The following COG7 variants were observed in gnomAD, a reference collection of about 807,000 sequenced individuals.
COG7 encodes component of oligomeric golgi complex 7.
In COG7, 49 loss-of-function variants were observed where a neutral mutation model predicts 91.5. The observed-to-expected ratio is 0.54, with a 90% CI of 0.43 to 0.68. The LOEUF (loss-of-function observed/expected upper bound fraction) is 0.68. Ranked by LOEUF, COG7 falls within the 30% of genes least tolerant of loss-of-function variation. The probability of loss-of-function intolerance (pLI) is 0.00; values close to 1 mark genes in which losing one functional copy is unlikely to be tolerated. For synonymous variants in COG7, 365 were observed against 388.7 expected, an observed-to-expected ratio of 0.94 and a Z score of 0.72; for missense variants, 895 against 961.3, an observed-to-expected ratio of 0.93 and a Z score of 0.91.
At chr16:23,449,610 G>A (rs1304093292) in intron 1 of COG7, among the ~76,000 whole-genome samples, 4 of 150,778 alleles carry the variant, frequency 2.7e-5, no homozygotes, top group Admixed American at 6.6e-5. Flanking sequence ...GCATGGTGGC[G>A]CATGCCTATA....
intron 7 of COG7, among the ~76,000 whole-genome samples, chr16:23,423,211 A>G (rs991022166): frequency 6.6e-6 from 1 of 151,782 alleles, no homozygotes; most frequent in African/African-American, 2.4e-5. Flanking sequence ...ACTAAAAAAT[A>G]CAAAAATTAG....
chr16:23,441,438 G>A (rs570134996), intron 4 of COG7, among the ~76,000 whole-genome samples: 10 of 152,254 alleles, frequency 6.6e-5, no homozygotes, highest in Admixed American at 4.6e-4. Flanking sequence ...AGCCAGGTGT[G>A]GTGGCGCACG....
intron 6 of COG7, among the ~76,000 whole-genome samples, chr16:23,429,844 C>T (rs1443939579): frequency 6.6e-6 from 1 of 152,140 alleles, no homozygotes; most frequent in Non-Finnish European, 1.5e-5. Context: ...ACTAGTGATA[C>T]AAACAACACG....
chr16:23,429,166 T>C (rs1963895012), intron 6 of COG7, among the ~76,000 whole-genome samples: 1 of 152,096 alleles, frequency 6.6e-6, no homozygotes, highest in African/African-American at 2.4e-5. Context: ...ATTTTTGTAT[T>C]TTCTGTAGAG....
In COG7 at chr16:23,388,806, A is replaced by G; in HGVS notation, c.*114T>C. On this transcript the variant is annotated 3_prime_UTR_variant, in exon 17 of 17. Transcript: ENST00000307149. Reference sequence around the variant, plus strand: ...TGAGCCACCGTGACCAGCTGAACCAAGTCTTTTTAAAGTAACTTCTGCCCA... The same window carrying G: ...TGAGCCACCGTGACCAGCTGAACCAGGTCTTTTTAAAGTAACTTCTGCCCA... The G allele has an allele frequency of 6.4e-7, 1 of 1,566,492 alleles. No individual in the cohort carries two copies. Among genetic ancestry groups the G allele is most frequent in the Non-Finnish European group, 8.6e-7 (1 of 1,158,130 alleles).
In COG7 at chr16:23,399,047, G is replaced by A. The variant is rs77245215; in HGVS notation, c.1804-918C>T. On this transcript the variant is annotated intron_variant, in intron 13 of 16. Coordinates refer to ENST00000307149, the MANE Select transcript of COG7 (RefSeq NM_153603.4). ...ACAAGGCCCTTTCTGGCTGAACTCCGGGAGTGACTCCGGCGGTCATGTAGG... is the reference window on the plus strand; with the variant it reads ...ACAAGGCCCTTTCTGGCTGAACTCCAGGAGTGACTCCGGCGGTCATGTAGG... Among the ~76,000 whole-genome samples, 372 of 152,248 alleles carry A rather than the reference G, an allele frequency of 2.4e-3. 13 individuals are homozygous for A. In the East Asian group the frequency reaches 0.068, roughly 28 times the overall value.
chr16:23,413,668 G>A, intron 9 of COG7, 104 bp from the exon 10 acceptor site: 1 of 778,074 alleles, frequency 1.3e-6, no homozygotes, highest in Non-Finnish European at 2.4e-6. Flanking sequence ...ATGGCCTTGA[G>A]AGCATCTTTA....
chr16:23,429,480 A>G (rs903019266), intron 6 of COG7, among the ~76,000 whole-genome samples: 1 of 151,968 alleles, frequency 6.6e-6, no homozygotes, highest in African/African-American at 2.4e-5. Flanking sequence ...AAGTGTCAAC[A>G]GGCTGGGTGC....
chr16:23,403,160 A>G (rs1963405231), intron 13 of COG7, among the ~76,000 whole-genome samples: 1 of 152,234 alleles, frequency 6.6e-6, no homozygotes, highest in African/African-American at 2.4e-5. Context: ...ACAACCAGAA[A>G]AGAGAAGAGG....
intron 1 of COG7, among the ~76,000 whole-genome samples, chr16:23,450,870 T>C (rs956431611): frequency 4.0e-5 from 6 of 150,594 alleles, no homozygotes; most frequent in South Asian, 2.1e-4. Flanking sequence ...TGCAGTGAAA[T>C]AGAGCCCCCT....
intron 4 of COG7, among the ~76,000 whole-genome samples, chr16:23,437,756 G>A (rs1419110202): frequency 1.3e-5 from 2 of 152,124 alleles, no homozygotes; most frequent in African/African-American, 4.8e-5. Context: ...ACTCCACCAC[G>A]GTACCTATGC....
chr16:23,401,649 T>C (rs1035870831), intron 13 of COG7, among the ~76,000 whole-genome samples: 2 of 152,118 alleles, frequency 1.3e-5, no homozygotes, highest in African/African-American at 2.4e-5. Flanking sequence ...CTGTCTGCAA[T>C]GGAAACAGGA....
chr16:23,408,145 G>T (rs1596919913), intron 11 of COG7, among the ~76,000 whole-genome samples: 1 of 7,394 alleles, frequency 1.4e-4, no homozygotes. Context: ...CGGGAGGCAG[G>T]GGGCGAGTGT....
intron 11 of COG7, 62 bp from the exon 12 acceptor site, chr16:23,406,324 C>G: frequency 2.9e-6 from 4 of 1,374,008 alleles, no homozygotes; most frequent in Non-Finnish European, 3.1e-6. Context: ...CTTCTTGGAG[C>G]AGTCAGATTG....
chr16:23,416,770 T>G, intron 9 of COG7, 197 bp downstream of exon 9: 1 of 643,198 alleles, frequency 1.6e-6, no homozygotes, highest in Non-Finnish European at 2.7e-6. Context: ...CCTTCCCTAA[T>G]GGGTAGACAT....
At chr16:23,444,586 C>T (rs1964153285) in intron 3 of COG7, among the ~76,000 whole-genome samples, 1 of 151,306 alleles carries the variant, frequency 6.6e-6, no homozygotes, top group African/African-American at 2.4e-5. Flanking sequence ...TTACTGTAGC[C>T]TTCAACTCCT....
chr16:23,426,160 G>A (rs532424198), intron 6 of COG7, among the ~76,000 whole-genome samples: 2 of 152,314 alleles, frequency 1.3e-5, no homozygotes, highest in East Asian at 3.9e-4. Context: ...AGATTGCAGT[G>A]AGCTGAGATG....
intron 1 of COG7, among the ~76,000 whole-genome samples, chr16:23,446,232 C>T (rs1175218915): frequency 6.6e-6 from 1 of 152,176 alleles, no homozygotes; most frequent in East Asian, 1.9e-4. Context: ...CCAACACCAA[C>T]TTGCCACCAC....
intron 1 of COG7, among the ~76,000 whole-genome samples, chr16:23,448,283 G>C (rs1000430050): frequency 1.3e-5 from 2 of 152,110 alleles, no homozygotes; most frequent in Non-Finnish European, 2.9e-5. Context: ...CTCATCTTCA[G>C]TTACATTTCC....
Sources: allele counts gnomAD v4.1 joint callset (sites outside exome capture counted in the v4.1 genomes callset), GRCh38; gene constraint gnomAD v4.1.1; transcripts MANE v1.5; gene names NCBI Gene and HGNC (gene_info 2026-07-23, HGNC 2026-07-21).